The following HIVEP3 variants were observed in gnomAD, a reference collection of about 807,000 sequenced individuals.
HIVEP3 encodes HIVEP zinc finger 3.
A neutral mutation model predicts 152.8 loss-of-function variants in HIVEP3; 49 were observed. That is an observed-to-expected ratio of 0.32 (90% CI 0.26 to 0.41). HIVEP3 has a LOEUF of 0.41. Ranked by LOEUF, HIVEP3 falls within the 10% of genes least tolerant of loss-of-function variation. The pLI, the probability that HIVEP3 is intolerant of heterozygous loss-of-function variation, is 1.00. For missense variants in HIVEP3, 2,790 were observed against 3,103.3 expected (o/e 0.90, Z 2.40); for synonymous variants, 1,269 against 1,289.0 (o/e 0.98, Z 0.33).
At chr1:41,724,246 T>C (rs1163382810) in intron 1 of HIVEP3, among the ~76,000 whole-genome samples, 2 of 152,184 alleles carry the variant, frequency 1.3e-5, no homozygotes, top group Admixed American at 6.5e-5. Flanking sequence ...ATTCTACAAA[T>C]GCAGCTTCAA....
intron 2 of HIVEP3, among the ~76,000 whole-genome samples, chr1:41,641,699 C>T (rs568632699): frequency 2.2e-4 from 33 of 152,366 alleles, no homozygotes. Flanking sequence ...TGGGGCCCAA[C>T]ACTGCTTACA....
chr1:41,878,988 A>T (rs1394821567), intron 1 of HIVEP3, among the ~76,000 whole-genome samples: 1 of 150,712 alleles, frequency 6.6e-6, no homozygotes, highest in East Asian at 2.0e-4. Flanking sequence ...CTCTATCAGC[A>T]CTTGCCCCAT....
intron 1 of HIVEP3, among the ~76,000 whole-genome samples, chr1:41,789,983 AAG>A (rs1649593851): frequency 6.6e-6 from 1 of 152,230 alleles, no homozygotes; most frequent in African/African-American, 2.4e-5. Flanking sequence ...CATGTCAAAC[AAG>A]ATAATCCCAT....
At chr1:41,810,067 G>A (rs146805890) in intron 1 of HIVEP3, among the ~76,000 whole-genome samples, 1 of 152,084 alleles carries the variant, frequency 6.6e-6, no homozygotes, top group Non-Finnish European at 1.5e-5. Flanking sequence ...ACTTAATCAG[G>A]CTCCAGTGTT....
intron 2 of HIVEP3, among the ~76,000 whole-genome samples, chr1:41,656,124 C>T (rs1262468888): frequency 6.6e-6 from 1 of 152,130 alleles, no homozygotes; most frequent in East Asian, 1.9e-4. Flanking sequence ...AATTAGAAAC[C>T]ACAGTCTCTT....
intron 1 of HIVEP3, among the ~76,000 whole-genome samples, chr1:41,934,961 A>T (rs1236966524): frequency 6.6e-6 from 1 of 152,186 alleles, no homozygotes; most frequent in Non-Finnish European, 1.5e-5. Context: ...TTGTTCATAC[A>T]TGTCACCATT....
At chr1:41,760,685 G>C in intron 1 of HIVEP3, among the ~76,000 whole-genome samples, 1 of 152,204 alleles carries the variant, frequency 6.6e-6, no homozygotes, top group East Asian at 1.9e-4. Context: ...TGGGGCTTGG[G>C]GGCCCTCTCC....
intron 1 of HIVEP3, among the ~76,000 whole-genome samples, chr1:41,886,102 T>G (rs577075014): frequency 6.6e-6 from 1 of 152,302 alleles, no homozygotes; most frequent in Non-Finnish European, 1.5e-5. Context: ...CTGCAATTGA[T>G]GAAGAGCACT....
At chr1:41,730,213 A>T (rs1216475076) in intron 1 of HIVEP3, among the ~76,000 whole-genome samples, 2 of 152,356 alleles carry the variant, frequency 1.3e-5, no homozygotes, top group Admixed American at 6.5e-5. Context: ...CTAGGAGCTG[A>T]CATGATTCAG....
chr1:41,845,123 T>G (rs72671259), intron 1 of HIVEP3, among the ~76,000 whole-genome samples: 19,701 of 152,238 alleles, frequency 0.13, 1,588 homozygotes, highest in Admixed American at 0.19. Flanking sequence ...ACAACTCACT[T>G]GAAAATTTCC....
chr1:41,583,837 G>A lies in HIVEP3; in HGVS notation c.961C>T (p.His321Tyr). 6.2e-7 allele frequency: 1 copy of A among 1,608,466 alleles called. No homozygotes were observed. The highest frequency in any genetic ancestry group is 8.5e-7 in the Non-Finnish European group (1 of 1,176,872). ...GACTGGGACAGGGAACAGCGTTCGT[G>A]GCTGGAACTGTGGCTCCCAGAGCTG... ...LYSSGSHSSS[H>Y]ERCSLSQSST... Residue 321 changes from histidine to tyrosine, a missense_variant, in exon 4 of 9, where the codon CAC becomes TAC. Physicochemically the swap from His to Tyr is moderately conservative, Grantham distance 83. This residue lies in a region of HIVEP3 where 125 missense variants were observed against 130.1 expected (regional missense o/e 0.96). Transcript: ENST00000372583. The surrounding 1 kb of genome is among the most constrained non-coding windows in gnomAD (Gnocchi z 6.9).
At chr1:41,844,455 T>C (rs1176099111) in intron 1 of HIVEP3, among the ~76,000 whole-genome samples, 2 of 152,076 alleles carry the variant, frequency 1.3e-5, no homozygotes, top group Admixed American at 6.5e-5. Flanking sequence ...AAGGCGCCCT[T>C]CTCCTCCCCA....
At chr1:41,900,488 G>A (rs12070414) in intron 1 of HIVEP3, among the ~76,000 whole-genome samples, 2,436 of 152,186 alleles carry the variant, frequency 0.016, 67 homozygotes, top group African/African-American at 0.057. Flanking sequence ...AACAGACTTC[G>A]TTTATTATAT....
intron 8 of HIVEP3, among the ~76,000 whole-genome samples, chr1:41,512,262 G>T (rs1038101579): frequency 2.0e-5 from 3 of 152,050 alleles, no homozygotes; most frequent in Non-Finnish European, 4.4e-5. Context: ...ATCCCTCAGG[G>T]CCTGATACTG....
intron 1 of HIVEP3, among the ~76,000 whole-genome samples, chr1:41,746,717 G>A (rs1647077590): frequency 6.6e-6 from 1 of 152,174 alleles, no homozygotes; most frequent in South Asian, 2.1e-4. Context: ...CACTGTTGGA[G>A]CTTGGCCCCT....
At chr1:41,690,785 G>A (rs560190503) in intron 2 of HIVEP3, among the ~76,000 whole-genome samples, 1 of 152,300 alleles carries the variant, frequency 6.6e-6, no homozygotes. Flanking sequence ...AGGCATGGTG[G>A]TGGGCACCTG....
At chr1:41,899,825 C>A (rs1304384998) in intron 1 of HIVEP3, among the ~76,000 whole-genome samples, 1 of 152,174 alleles carries the variant, frequency 6.6e-6, no homozygotes, top group Non-Finnish European at 1.5e-5. Context: ...GAAACTGAGG[C>A]TCTGAGAATA....
chr1:41,849,305 A>G (rs919110890), intron 1 of HIVEP3, among the ~76,000 whole-genome samples: 11 of 152,212 alleles, frequency 7.2e-5, no homozygotes, highest in Non-Finnish European at 1.5e-4. Flanking sequence ...ACGCAGATAT[A>G]TCTACCAAGG....
intron 2 of HIVEP3, among the ~76,000 whole-genome samples, chr1:41,653,323 C>T (rs1238103110): frequency 6.6e-6 from 1 of 152,032 alleles, no homozygotes; most frequent in Non-Finnish European, 1.5e-5. Context: ...CCTCTACACA[C>T]ACACTCACAT....
Sources: allele counts gnomAD v4.1 joint callset (sites outside exome capture counted in the v4.1 genomes callset), GRCh38; gene constraint gnomAD v4.1.1; regional missense constraint gnomAD v4.1.1; non-coding constraint Gnocchi (gnomAD v3.1); transcripts MANE v1.5; gene names NCBI Gene and HGNC (gene_info 2026-07-23, HGNC 2026-07-21).